The following GRB2 variants were observed in gnomAD, a reference collection of about 807,000 sequenced individuals.
GRB2 encodes growth factor receptor-bound protein 2.
GRB2 carries 2 observed loss-of-function variants against 27.4 expected under a neutral mutation model. The ratio of observed to expected loss-of-function variants is 0.07; its 90% CI spans 0.03 to 0.23. GRB2 has a LOEUF of 0.23. Ranked by LOEUF, GRB2 falls within the 10% of genes least tolerant of loss-of-function variation. The probability of loss-of-function intolerance (pLI) is 1.00; values close to 1 mark genes in which losing one functional copy is unlikely to be tolerated. For synonymous variants in GRB2, 94 were observed against 99.6 expected (o/e 0.94, Z 0.33); for missense variants, 102 against 282.4 (o/e 0.36, Z 4.58).
intron 2 of GRB2, among the ~76,000 whole-genome samples, chr17:75,358,177 G>A (rs2078746416): frequency 6.6e-6 from 1 of 152,024 alleles, no homozygotes; most frequent in Non-Finnish European, 1.5e-5. Flanking sequence ...CTAATTATTA[G>A]GTTCACTGCC....
At chr17:75,401,217 G>A (rs528128235) in intron 1 of GRB2, among the ~76,000 whole-genome samples, 6 of 151,568 alleles carry the variant, frequency 4.0e-5, no homozygotes, top group Admixed American at 1.3e-4. Flanking sequence ...AGGCCGAGGC[G>A]GGTGGATCAC....
chr17:75,343,842 G>A (rs1018553750), intron 2 of GRB2, among the ~76,000 whole-genome samples: 3 of 152,290 alleles, frequency 2.0e-5, no homozygotes, highest in East Asian at 1.9e-4. Flanking sequence ...GAAAGGAGAG[G>A]AAGGGAGGGG....
chr17:75,370,130 A>C (rs1385603254), intron 2 of GRB2, among the ~76,000 whole-genome samples: 1 of 152,208 alleles, frequency 6.6e-6, no homozygotes, highest in East Asian at 1.9e-4. Context: ...TATTTTGTGG[A>C]TATCATATGG....
intron 2 of GRB2, among the ~76,000 whole-genome samples, chr17:75,339,401 G>A (rs765900644): frequency 2.2e-4 from 33 of 151,452 alleles, no homozygotes; most frequent in South Asian, 2.1e-4. Context: ...CACTATGTTG[G>A]CCAGGATGGT....
Position 75,405,627 on chromosome 17 carries a change from CGCCGCCGCCGCT to C in GRB2, c.-288_-277del, listed in dbSNP as rs1168214238. 1 of 160,692 alleles carries C rather than the reference CGCCGCCGCCGCT, an allele frequency of 6.2e-6. No individual in the cohort carries two copies. The highest frequency in any genetic ancestry group is 1.4e-5 in the Non-Finnish European group (1 of 73,480). 10.0% of individuals were successfully genotyped at this position (160,692 alleles called of 1,614,324 possible). ...CCACAGGCACAGACTCTGCCACAGC[CGCCGCCGCCGCT>C]GCCGCCGCCCGGTCGCCGAAGCAGC... On this transcript the variant is annotated 5_prime_UTR_variant, in exon 1 of 6. Coordinates refer to ENST00000316804, the MANE Select transcript of GRB2 (RefSeq NM_002086.5).
intron 2 of GRB2, among the ~76,000 whole-genome samples, chr17:75,385,078 A>C (rs1292363502): frequency 6.7e-6 from 1 of 149,772 alleles, no homozygotes; most frequent in African/African-American, 2.4e-5. Context: ...CAAACAAACA[A>C]AAAAACCCTT....
intron 2 of GRB2, among the ~76,000 whole-genome samples, chr17:75,343,049 C>CAAAA (rs56264803): frequency 3.4e-5 from 2 of 58,596 alleles, no homozygotes; most frequent in African/African-American, 1.4e-4. Context: ...AACCTTGTCT[C>CAAAA]AAAAAAAAAA....
intron 2 of GRB2, among the ~76,000 whole-genome samples, chr17:75,337,191 G>A (rs985095342): frequency 1.3e-5 from 2 of 152,094 alleles, no homozygotes; most frequent in East Asian, 1.9e-4. Flanking sequence ...TGGTTCTGCC[G>A]GAGGCAAAAC....
chr17:75,397,816 A>AATTTATTT (rs57166874), intron 1 of GRB2, among the ~76,000 whole-genome samples: 10,619 of 147,822 alleles, frequency 0.072, 439 homozygotes, highest in South Asian at 0.13. Context: ...AATCACTCAA[A>AATTTATTT]ATTTATTTAT....
At chr17:75,323,237 T>C (rs1400827859) in intron 4 of GRB2, among the ~76,000 whole-genome samples, 2 of 150,108 alleles carry the variant, frequency 1.3e-5, no homozygotes, top group African/African-American at 4.9e-5. Flanking sequence ...AGAAAATCAA[T>C]CCGGCAGGTG....
At chr17:75,384,259 G>A (rs182146660) in intron 2 of GRB2, among the ~76,000 whole-genome samples, 7 of 152,230 alleles carry the variant, frequency 4.6e-5, no homozygotes, top group South Asian at 2.1e-4. Flanking sequence ...AAATCTCAAC[G>A]CTTAAGAAAC....
intron 2 of GRB2, among the ~76,000 whole-genome samples, chr17:75,379,957 T>C (rs1465418499): frequency 1.3e-5 from 2 of 152,228 alleles, no homozygotes; most frequent in Non-Finnish European, 2.9e-5. Context: ...TAAGAAAGCA[T>C]ATAACATTAC....
intron 2 of GRB2, among the ~76,000 whole-genome samples, chr17:75,346,958 T>G (rs992437534): frequency 1.8e-4 from 28 of 152,188 alleles, no homozygotes; most frequent in Non-Finnish European, 3.7e-4. Context: ...CTGCAGAAGG[T>G]CAGACGAAGG....
intron 2 of GRB2, among the ~76,000 whole-genome samples, chr17:75,385,408 A>G (rs2078957675): frequency 6.6e-6 from 1 of 152,154 alleles, no homozygotes; most frequent in African/African-American, 2.4e-5. Flanking sequence ...ATGGTGGTAG[A>G]TGCTTGTAAT....
intron 2 of GRB2, among the ~76,000 whole-genome samples, chr17:75,365,831 T>C (rs2078815652): frequency 6.6e-6 from 1 of 152,162 alleles, no homozygotes; most frequent in African/African-American, 2.4e-5. Flanking sequence ...GCTAGAGGAA[T>C]GGACTCACAC....
In GRB2 at chr17:75,360,924, C is replaced by T. The variant is rs1353928082; in HGVS notation, c.79-28127G>A. 3.9e-5 allele frequency among the ~76,000 whole-genome samples: 6 copies of T among 151,912 alleles called. No homozygotes were observed. The East Asian group carries it at 7.7e-4, about 20-fold the overall frequency. On this transcript the variant is annotated intron_variant, in intron 2 of 5. Transcript: ENST00000316804. ...TCAGGACTACAGGCATGTGCTGCCACGCCCAGCTAATTTTAATTTTTTTTT... is the reference window on the plus strand; with the variant it reads ...TCAGGACTACAGGCATGTGCTGCCATGCCCAGCTAATTTTAATTTTTTTTT...
intron 4 of GRB2, among the ~76,000 whole-genome samples, chr17:75,324,663 G>A (rs976504831): frequency 2.6e-5 from 4 of 151,742 alleles, no homozygotes; most frequent in Admixed American, 6.6e-5. Flanking sequence ...GACTACAGGT[G>A]TGTGCCACTA....
chr17:75,361,952 T>A (rs1392529888), intron 2 of GRB2, among the ~76,000 whole-genome samples: 1 of 152,138 alleles, frequency 6.6e-6, no homozygotes, highest in South Asian at 2.1e-4. Flanking sequence ...TTTTCCCTCA[T>A]GTTTAATGCA....
intron 2 of GRB2, among the ~76,000 whole-genome samples, chr17:75,388,999 G>C (rs1430202794): frequency 1.3e-5 from 2 of 152,050 alleles, no homozygotes; most frequent in Admixed American, 6.6e-5. Context: ...TAGTATCCCA[G>C]GTTGATACAG....
Sources: gnomAD v4.1 joint callset for allele counts (sites outside exome capture counted in the v4.1 genomes callset) on GRCh38, gnomAD v4.1.1 for gene constraint, MANE v1.5 for transcripts, NCBI Gene and HGNC (gene_info 2026-07-23, HGNC 2026-07-21) for gene names.